The following REV3L variants were observed in gnomAD, a reference collection of about 807,000 sequenced individuals.
The protein encoded by REV3L is DNA polymerase zeta catalytic subunit.
REV3L carries 69 observed loss-of-function variants against 299.4 expected under a neutral mutation model. The observed-to-expected ratio is 0.23, with a 90% CI of 0.19 to 0.28. REV3L has a LOEUF of 0.28. Ranked by LOEUF, REV3L falls within the 10% of genes least tolerant of loss-of-function variation. The pLI is 1.00. For synonymous variants in REV3L, 1,238 were observed against 1,271.4 expected, an observed-to-expected ratio of 0.97 and a Z score of 0.56; for missense variants, 3,128 against 3,693.8, an observed-to-expected ratio of 0.85 and a Z score of 3.97.
At chr6:111,423,079 A>C (rs1015307137) in intron 1 of REV3L, among the ~76,000 whole-genome samples, 2 of 152,112 alleles carry the variant, frequency 1.3e-5, no homozygotes, top group East Asian at 3.9e-4. Context: ...TGTAGTCATA[A>C]TTTCTCTACT....
intron 26 of REV3L, among the ~76,000 whole-genome samples, chr6:111,317,528 C>T (rs1040498674): frequency 3.3e-5 from 5 of 152,108 alleles, no homozygotes; most frequent in Admixed American, 6.6e-5. Flanking sequence ...ACTCTGTTAC[C>T]GAGGCTGGAG....
chr6:111,368,110 C>T, intron 13 of REV3L, 82 bp from the exon 14 acceptor site: 1 of 1,246,952 alleles, frequency 8.0e-7, no homozygotes, highest in Non-Finnish European at 1.1e-6. Context: ...TAGATAAAGT[C>T]CCTTTTGGAG....
At chr6:111,446,673 C>G (rs1052877513) in intron 1 of REV3L, among the ~76,000 whole-genome samples, 4 of 151,654 alleles carry the variant, frequency 2.6e-5, no homozygotes, top group African/African-American at 9.7e-5. Flanking sequence ...TGCACTCCAG[C>G]ATGAGCGACG....
intron 21 of REV3L, among the ~76,000 whole-genome samples, chr6:111,341,282 A>C (rs1051871542): frequency 2.0e-5 from 3 of 152,180 alleles, no homozygotes; most frequent in South Asian, 4.1e-4. Flanking sequence ...TCCTGACCTC[A>C]GGTGATCCGC....
chr6:111,373,732 T>G lies in REV3L; in HGVS notation c.4623A>C (p.Ala1541=), dbSNP rs780423630. 6.2e-7 allele frequency: 1 copy of G among 1,613,948 alleles called. No individual in the cohort carries two copies. Among genetic ancestry groups the G allele is most frequent in the Non-Finnish European group, 8.5e-7 (1 of 1,179,972 alleles). ...KELLQKRQQK[A]QNANTTQDPL... ...GGTCTTGTGTAGTATTTGCATTTTG[T>G]GCTTTCTGCTGTCTTTTTTGTAACA... Residue 1541 remains alanine (A), a synonymous_variant, in exon 13 of 32, where the codon GCA becomes GCC. Coordinates refer to ENST00000368802, the MANE Select transcript of REV3L (RefSeq NM_001372078.1).
chr6:111,449,059 T>C (rs1436698252), intron 1 of REV3L, among the ~76,000 whole-genome samples: 1 of 152,204 alleles, frequency 6.6e-6, no homozygotes, highest in Non-Finnish European at 1.5e-5. Flanking sequence ...GAGGATTTAA[T>C]GCTTGAGCTT....
Position 111,349,303 on chromosome 6 carries a change from C to A in REV3L, c.7334G>T (p.Arg2445Ile). The A allele has an allele frequency of 6.2e-7, 1 of 1,601,082 alleles. No homozygotes were observed. The highest frequency in any genetic ancestry group is 8.5e-7 in the Non-Finnish European group (1 of 1,171,664). The change falls in exon 20 of 32, where the codon AGA becomes ATA. Residue 2445 changes from arginine (R) to isoleucine (I), a missense_variant. By Grantham distance (97) the Arg-to-Ile change is moderately conservative. This residue lies in a region of REV3L where 50 missense variants were observed against 48.2 expected (regional missense o/e 1.04). Coordinates refer to ENST00000368802, the MANE Select transcript of REV3L (RefSeq NM_001372078.1). ...CATTGTATATGATCCATACTCATCT[C>A]TTTCAGCTGCAAATCTGTTCTCAAT... ...DKIENRFAAE[R>I]DEYGSYTMSE...
chr6:111,419,764 C>A (rs1012942662), intron 1 of REV3L, among the ~76,000 whole-genome samples: 11 of 152,160 alleles, frequency 7.2e-5, no homozygotes, highest in African/African-American at 2.4e-4. Flanking sequence ...AGAAGTTCCA[C>A]ATACAGGATG....
At chr6:111,416,189 G>A in intron 2 of REV3L, 94 bp downstream of exon 2, 2 of 843,652 alleles carry the variant, frequency 2.4e-6, no homozygotes, top group Non-Finnish European at 3.4e-6. Context: ...TAGACTAGAA[G>A]TAAAAGAAAT....
chr6:111,315,745 A>G, intron 26 of REV3L: 1 of 202,168 alleles, frequency 4.9e-6, no homozygotes, highest in Non-Finnish European at 1.0e-5. Context: ...GTGGCAGATC[A>G]GTCAGATCAG....
intron 21 of REV3L, among the ~76,000 whole-genome samples, chr6:111,338,901 G>GTCA: frequency 1.3e-5 from 2 of 152,080 alleles, no homozygotes; most frequent in African/African-American, 4.8e-5. Flanking sequence ...CATATTGGTT[G>GTCA]ACAGCACAGA....
chr6:111,308,330 A>T, intron 30 of REV3L: 1 of 445,822 alleles, frequency 2.2e-6, no homozygotes, highest in Middle Eastern at 7.0e-4. Context: ...CATTAGTAAT[A>T]AAGAATCTGA....
At chr6:111,437,983 G>A (rs1787785852) in intron 1 of REV3L, among the ~76,000 whole-genome samples, 1 of 151,734 alleles carries the variant, frequency 6.6e-6, no homozygotes, top group African/African-American at 2.4e-5. Context: ...CTCTCGAGTA[G>A]CTGGAACTAC....
At chr6:111,398,086 C>A (rs1256319624) in intron 4 of REV3L, among the ~76,000 whole-genome samples, 2 of 148,788 alleles carry the variant, frequency 1.3e-5, no homozygotes, top group African/African-American at 4.9e-5. Flanking sequence ...TGCTAAGAAT[C>A]AAATCTAATA....
intron 16 of REV3L, among the ~76,000 whole-genome samples, 187 bp downstream of exon 16, chr6:111,363,666 C>T (rs1778923013): frequency 1.3e-5 from 2 of 151,918 alleles, no homozygotes; most frequent in Non-Finnish European, 2.9e-5. Context: ...AACTTAAATG[C>T]TTTAAGTTTA....
intron 14 of REV3L, among the ~76,000 whole-genome samples, chr6:111,366,821 T>G (rs1779272569): frequency 6.6e-6 from 1 of 152,120 alleles, no homozygotes. Context: ...GTTTCTGTTT[T>G]AAAATGTGGG....
At chr6:111,304,613 CTTTTTTTT>C (rs57907202) in intron 31 of REV3L, among the ~76,000 whole-genome samples, 9 of 116,634 alleles carry the variant, frequency 7.7e-5, no homozygotes, top group African/African-American at 1.8e-4. Context: ...ATCGCTTTTT[CTTTTTTTT>C]TTTTTTTTCG....
At chr6:111,483,515 G>A (rs916644573), upstream of REV3L, 6 of 527,882 alleles carry the variant, frequency 1.1e-5, no homozygotes, top group Non-Finnish European at 2.1e-5. Context: ...GGGCTCCGAG[G>A]GGCTTGCGGG....
intron 18 of REV3L, chr6:111,354,117 A>G (rs898315796): frequency 6.6e-6 from 1 of 152,258 alleles, no homozygotes; most frequent in Non-Finnish European, 1.5e-5. Flanking sequence ...AGTTCCTATC[A>G]CATAGTTACC....
Sources: gnomAD v4.1 joint callset for allele counts (sites outside exome capture counted in the v4.1 genomes callset) on GRCh38, gnomAD v4.1.1 for gene constraint, gnomAD v4.1.1 regional missense constraint, MANE v1.5 for transcripts, NCBI Gene and HGNC (gene_info 2026-07-23, HGNC 2026-07-21) for gene names.